The following DACH2 variants were observed in gnomAD, a reference collection of about 807,000 sequenced individuals.
The protein encoded by DACH2 is dachshund homolog 2.
In DACH2, 17 loss-of-function variants were observed where a neutral mutation model predicts 35.8. That is an observed-to-expected ratio of 0.48 (90% CI 0.33 to 0.71). DACH2 has a LOEUF of 0.71. Ranked by LOEUF, DACH2 falls within the 30% of genes least tolerant of loss-of-function variation. The pLI is 0.02. For synonymous variants in DACH2, 195 were observed against 177.3 expected, an observed-to-expected ratio of 1.10 and a Z score of -0.79; for missense variants, 469 against 472.7, an observed-to-expected ratio of 0.99 and a Z score of 0.07.
intron 4 of DACH2, among the ~76,000 whole-genome samples, chrX:86,675,621 G>C (rs770958696): frequency 9.0e-6 from 1 of 111,487 alleles, no homozygotes; most frequent in African/African-American, 3.3e-5. Flanking sequence ...GGTGGTTGAG[G>C]CTGCAGTGAG....
At chrX:86,624,060 C>CAAAAAAAAAAAAAAAAA (rs34140706) in intron 3 of DACH2, among the ~76,000 whole-genome samples, 7 of 36,024 alleles carry the variant, frequency 1.9e-4, no homozygotes, top group African/African-American at 6.1e-4. Context: ...AAAAACAAAA[C>CAAAAAAAAAAAAAAAAA]AAAAAAAAAA....
At chrX:86,224,522 C>G (rs1456660431) in intron 1 of DACH2, among the ~76,000 whole-genome samples, 1 of 111,139 alleles carries the variant, frequency 9.0e-6, no homozygotes, top group Non-Finnish European at 1.9e-5. Context: ...ATAGCCATCC[C>G]TATTCTTTTA....
rs377361634 is a variant in DACH2, at chrX:86,816,035, T to C, written c.1686T>C (p.Asp562=). 19 of 1,174,433 alleles carry C rather than the reference T, an allele frequency of 1.6e-5. No homozygotes were observed. Among genetic ancestry groups the C allele is most frequent in the East Asian group, 3.1e-5 (1 of 31,783 alleles). Residue 562 remains aspartate, a splice_region_variant and synonymous_variant, in exon 11 of 12, where the codon GAT becomes GAC. Coordinates refer to ENST00000373125, the MANE Select transcript of DACH2 (RefSeq NM_053281.3). ...AATCTTGCATGTCATTTATTTCAGA[T>C]ACTGGAATTCCAGATATTGAAATAG... ...TSDSGLRMLK[D]TGIPDIEIEN... is the part of the protein sequence containing the mutation.
chrX:86,170,275 C>T (rs764792217), intron 1 of DACH2, among the ~76,000 whole-genome samples: 1 of 111,918 alleles, frequency 8.9e-6, no homozygotes, highest in East Asian at 2.8e-4. Context: ...ACCGCTATGA[C>T]TGCACTGGGT....
At chrX:86,810,648 C>A (rs955692817) in intron 7 of DACH2, among the ~76,000 whole-genome samples, 2 of 111,389 alleles carry the variant, frequency 1.8e-5, no homozygotes, top group African/African-American at 6.5e-5. Context: ...TCAAACAATG[C>A]AATTGAAGCA....
At chrX:86,180,451 G>A (rs1434744445) in intron 1 of DACH2, among the ~76,000 whole-genome samples, 1 of 108,719 alleles carries the variant, frequency 9.2e-6, no homozygotes, top group Non-Finnish European at 1.9e-5. Context: ...ACCATCTCCC[G>A]AGGCATTTGA....
chrX:86,207,274 T>G (rs2032335674), intron 1 of DACH2, among the ~76,000 whole-genome samples: 1 of 111,625 alleles, frequency 9.0e-6, no homozygotes, highest in Non-Finnish European at 1.9e-5. Flanking sequence ...TGGGTGATGT[T>G]CTTGTATGTC....
chrX:86,707,912 T>TAAAAAAAAAAAAAAAAAAAAGAAAAAAA (rs56293403), intron 5 of DACH2, among the ~76,000 whole-genome samples: 1 of 34,579 alleles, frequency 2.9e-5, no homozygotes, highest in Non-Finnish European at 4.5e-5. Flanking sequence ...AGACTCCATC[T>TAAAAAAAAAAAAAAAAAAAAGAAAAAAA]AAAAAAAAAA....
rs760746722 is a variant in DACH2, at chrX:86,477,363, T to C, written c.528-36916T>C. On this transcript the variant is annotated intron_variant, in intron 2 of 11. Coordinates refer to ENST00000373125, the MANE Select transcript of DACH2 (RefSeq NM_053281.3). ...GCATATATATATATATATATATATA[T>C]ATATATAATTGTTATATCCTCTTGT... 3.0e-4 allele frequency among the ~76,000 whole-genome samples: 30 copies of C among 100,596 alleles called. No individual in the cohort carries two copies. In the East Asian group the frequency reaches 3.6e-3, roughly 12 times the overall value. 87.4% of individuals were successfully genotyped at this position (100,596 alleles called of 115,157 possible).
chrX:86,518,153 G>A lies in DACH2; in HGVS notation c.640+3762G>A, dbSNP rs894102346. Among the ~76,000 whole-genome samples the A allele has an allele frequency of 4.5e-5, 5 of 112,136 alleles. No individual in the cohort carries two copies. In the Admixed American group the frequency reaches 4.7e-4, roughly 11 times the overall value. On this transcript the variant is annotated intron_variant, in intron 3 of 11. Transcript: ENST00000373125. ...AAAGTGCCATTTATTGAATAAGAAAGTTTTCTTCCTATTCCTTATTTTTGT... is the reference window on the plus strand; with the variant it reads ...AAAGTGCCATTTATTGAATAAGAAAATTTTCTTCCTATTCCTTATTTTTGT...
intron 3 of DACH2, among the ~76,000 whole-genome samples, chrX:86,533,292 A>G (rs2038750856): frequency 8.9e-6 from 1 of 112,054 alleles, no homozygotes; most frequent in Non-Finnish European, 1.9e-5. Context: ...AAATTATTTT[A>G]CATTTATTTT....
chrX:86,767,480 T>A (rs1226275185), intron 7 of DACH2, among the ~76,000 whole-genome samples: 1 of 111,830 alleles, frequency 8.9e-6, no homozygotes, highest in African/African-American at 3.2e-5. Flanking sequence ...TGGTAGGTGG[T>A]CTGAGAATGT....
intron 1 of DACH2, among the ~76,000 whole-genome samples, chrX:86,178,504 A>G (rs754876055): frequency 1.8e-5 from 2 of 111,170 alleles, no homozygotes; most frequent in East Asian, 2.8e-4. Context: ...TGTAACTATG[A>G]TTTATTATAA....
At chrX:86,556,791 TATATAGAGAG>T (rs1414269678) in intron 3 of DACH2, among the ~76,000 whole-genome samples, 111 of 35,614 alleles carry the variant, frequency 3.1e-3, no homozygotes, top group East Asian at 5.3e-3. Context: ...TATATATATA[TATATAGAGAG>T]AGAGAGAGAG....
intron 1 of DACH2, among the ~76,000 whole-genome samples, chrX:86,318,678 T>G (rs762515614): frequency 9.0e-6 from 1 of 111,381 alleles, no homozygotes. Context: ...GGCAATTCCA[T>G]GTACCTAAAC....
intron 3 of DACH2, among the ~76,000 whole-genome samples, chrX:86,540,158 A>G (rs1161575088): frequency 1.8e-5 from 2 of 112,168 alleles, no homozygotes; most frequent in Non-Finnish European, 3.8e-5. Context: ...AGCATTATAG[A>G]GAATGCGTTG....
chrX:86,327,177 C>G lies in DACH2; in HGVS notation c.489-49647C>G, dbSNP rs139464145. On this transcript the variant is annotated intron_variant, in intron 1 of 11. Coordinates refer to ENST00000373125, the MANE Select transcript of DACH2 (RefSeq NM_053281.3). ...AATAAGATATCTGGAAATCTTTATA[C>G]TTCCTCTTCATTCAGGAGATCTGCC... is the stretch of plus-strand genomic sequence containing the variant. Among the ~76,000 whole-genome samples, 620 of 112,350 alleles carry G rather than the reference C, an allele frequency of 5.5e-3. 8 individuals are homozygous for G. The highest frequency in any genetic ancestry group is 0.019 in the African/African-American group (588 of 31,018).
At chrX:86,231,571 G>T (rs945325704) in intron 1 of DACH2, among the ~76,000 whole-genome samples, 4 of 111,072 alleles carry the variant, frequency 3.6e-5, no homozygotes, top group African/African-American at 1.3e-4. Flanking sequence ...TCCACCGAAG[G>T]CCTGGTCTCA....
chrX:86,366,169 AG>A (rs2148088237), intron 1 of DACH2, among the ~76,000 whole-genome samples: 1 of 110,936 alleles, frequency 9.0e-6, no homozygotes, highest in Non-Finnish European at 1.9e-5. Context: ...GGAAGACCAA[AG>A]GGTCTTCCTT....
Sources: allele counts gnomAD v4.1 joint callset (sites outside exome capture counted in the v4.1 genomes callset), GRCh38; gene constraint gnomAD v4.1.1; transcripts MANE v1.5; gene names NCBI Gene and HGNC (gene_info 2026-07-23, HGNC 2026-07-21).